The following ITGBL1 variants were observed in gnomAD, a reference collection of about 807,000 sequenced individuals.
ITGBL1 encodes integrin beta-like protein 1.
In ITGBL1, 51 loss-of-function variants were observed where a neutral mutation model predicts 68.5. The ratio of observed to expected loss-of-function variants is 0.74; its 90% CI spans 0.59 to 0.94. The LOEUF is 0.94. Ranked by LOEUF, ITGBL1 falls within the 40% of genes least tolerant of loss-of-function variation. ITGBL1 has a pLI of 0.00. For missense variants in ITGBL1, 649 were observed against 647.4 expected, an observed-to-expected ratio of 1.00 and a Z score of -0.03; for synonymous variants, 209 against 227.3, an observed-to-expected ratio of 0.92 and a Z score of 0.72.
At position 101,692,642 on chromosome 13, in the gene ITGBL1, G is replaced by A. The variant is rs772454261; in HGVS notation, c.1073G>A (p.Gly358Asp). 20 of 1,613,808 alleles carry A rather than the reference G, an allele frequency of 1.2e-5. No individual in the cohort carries two copies. The highest frequency in any genetic ancestry group is 1.4e-5 in the Non-Finnish European group (17 of 1,179,872). Residue 358 changes from glycine to aspartate, a missense_variant, in exon 8 of 11, where the codon GGC becomes GAC. Gly to Asp is a moderately conservative substitution (Grantham distance 94). Transcript: ENST00000376180. Reference protein sequence around the residue: ...CYPPGDRRVYGKTCECDDRRC... With the variant: ...CYPPGDRRVYDKTCECDDRRC... ...CCTCCAGGAGATCGCCGGGTGTATG[G>A]CAAGACTTGTGAGTGTGATGATCGC... is the stretch of plus-strand genomic sequence containing the variant.
At chr13:101,642,290 G>C (rs566680010) in intron 7 of ITGBL1, among the ~76,000 whole-genome samples, 2 of 152,230 alleles carry the variant, frequency 1.3e-5, no homozygotes, top group South Asian at 4.2e-4. Flanking sequence ...TTGTGGTTTT[G>C]ATTTACATTT....
chr13:101,639,171 T>C (rs1268291340), intron 7 of ITGBL1, among the ~76,000 whole-genome samples: 2 of 152,156 alleles, frequency 1.3e-5, no homozygotes, highest in Non-Finnish European at 2.9e-5. Context: ...CTGTTTACAT[T>C]TGGAAGATAG....
intron 5 of ITGBL1, among the ~76,000 whole-genome samples, chr13:101,580,445 T>TTTA (rs4000925): frequency 0.89 from 134,296 of 151,168 alleles, 60,130 homozygotes; most frequent in Middle Eastern, 0.96. Flanking sequence ...CTTTTTATTA[T>TTTA]TTATTATTAT....
At chr13:101,696,602 C>T (rs1048551049) in intron 8 of ITGBL1, among the ~76,000 whole-genome samples, 1 of 152,058 alleles carries the variant, frequency 6.6e-6, no homozygotes, top group Non-Finnish European at 1.5e-5. Flanking sequence ...TTCCAAATTA[C>T]CTCCTATAGG....
chr13:101,458,391 C>T (rs2048273282), intron 2 of ITGBL1, among the ~76,000 whole-genome samples: 1 of 152,144 alleles, frequency 6.6e-6, no homozygotes, highest in Non-Finnish European at 1.5e-5. Flanking sequence ...AATAGGGCTA[C>T]AAGGGTTGGC....
At chr13:101,559,663 G>T (rs1233879701) in intron 2 of ITGBL1, among the ~76,000 whole-genome samples, 2 of 152,046 alleles carry the variant, frequency 1.3e-5, no homozygotes, top group Non-Finnish European at 2.9e-5. Context: ...AGATAATGTT[G>T]GCTGTCATGG....
chr13:101,507,199 A>G (rs375064986), intron 2 of ITGBL1, among the ~76,000 whole-genome samples: 8 of 152,130 alleles, frequency 5.3e-5, no homozygotes, highest in African/African-American at 1.9e-4. Context: ...ATCTATTGAG[A>G]AGTCAGAGCT....
chr13:101,466,053 G>A (rs1390865944), intron 2 of ITGBL1, among the ~76,000 whole-genome samples: 1 of 152,052 alleles, frequency 6.6e-6, no homozygotes, highest in East Asian at 1.9e-4. Flanking sequence ...TGGAGGGGAG[G>A]GGATCCTCTT....
intron 7 of ITGBL1, among the ~76,000 whole-genome samples, chr13:101,676,631 C>G (rs895374151): frequency 6.6e-6 from 1 of 152,136 alleles, no homozygotes; most frequent in Non-Finnish European, 1.5e-5. Flanking sequence ...CAATGGTCCT[C>G]TTTTCTCTAG....
intron 5 of ITGBL1, 67 bp downstream of exon 5, chr13:101,579,494 T>A: frequency 6.6e-7 from 1 of 1,512,536 alleles, no homozygotes; most frequent in Non-Finnish European, 9.0e-7. Context: ...TTAACACTTC[T>A]TTTCTTTGTA....
chr13:101,643,181 T>C (rs2032447003), intron 7 of ITGBL1, among the ~76,000 whole-genome samples: 1 of 151,876 alleles, frequency 6.6e-6, no homozygotes, highest in East Asian at 1.9e-4. Flanking sequence ...TGATATTGAT[T>C]CTTCCTACCC....
intron 7 of ITGBL1, among the ~76,000 whole-genome samples, chr13:101,650,108 C>T (rs2032696780): frequency 6.6e-6 from 1 of 152,172 alleles, no homozygotes; most frequent in Admixed American, 6.5e-5. Context: ...CCTCTTAATG[C>T]TCATGGTACT....
At chr13:101,614,122 C>G (rs1175606918) in intron 7 of ITGBL1, among the ~76,000 whole-genome samples, 2 of 152,018 alleles carry the variant, frequency 1.3e-5, no homozygotes, top group African/African-American at 4.8e-5. Flanking sequence ...AATGAACCAC[C>G]TTAGGCACGT....
intron 7 of ITGBL1, among the ~76,000 whole-genome samples, chr13:101,681,266 T>C (rs962389089): frequency 2.7e-4 from 41 of 152,116 alleles, no homozygotes; most frequent in African/African-American, 8.0e-4. Context: ...AAGAAACGTA[T>C]GTGTATGTGT....
chr13:101,483,252 G>T (rs553187893), intron 2 of ITGBL1, among the ~76,000 whole-genome samples: 3 of 152,256 alleles, frequency 2.0e-5, no homozygotes, highest in African/African-American at 7.2e-5. Flanking sequence ...GAGTATCTCT[G>T]TCCTTCAGCC....
At chr13:101,508,452 A>G (rs1451817996) in intron 2 of ITGBL1, among the ~76,000 whole-genome samples, 1 of 152,038 alleles carries the variant, frequency 6.6e-6, no homozygotes, top group Admixed American at 6.6e-5. Context: ...TATCTCTTAT[A>G]TTTGCCAAAC....
At chr13:101,607,118 C>T (rs1194752150) in intron 7 of ITGBL1, among the ~76,000 whole-genome samples, 1 of 151,928 alleles carries the variant, frequency 6.6e-6, no homozygotes, top group Non-Finnish European at 1.5e-5. Context: ...CTTCTGTCAA[C>T]AGCATTTATG....
intron 7 of ITGBL1, among the ~76,000 whole-genome samples, chr13:101,653,188 G>A (rs2032808610): frequency 6.6e-6 from 1 of 151,236 alleles, no homozygotes; most frequent in South Asian, 2.1e-4. Flanking sequence ...AAGAGGAGGA[G>A]GAGGAGGAGG....
chr13:101,687,430 G>A (rs916883581), intron 7 of ITGBL1, among the ~76,000 whole-genome samples: 2 of 151,760 alleles, frequency 1.3e-5, no homozygotes, highest in Non-Finnish European at 2.9e-5. Context: ...TAAATTAAGA[G>A]TTTTTATTAA....
Sources: gnomAD v4.1 joint callset for allele counts (sites outside exome capture counted in the v4.1 genomes callset) on GRCh38, gnomAD v4.1.1 for gene constraint, MANE v1.5 for transcripts, NCBI Gene and HGNC (gene_info 2026-07-23, HGNC 2026-07-21) for gene names.